Variants in STRADA observed in about 807,000 individuals in gnomAD.
STRADA encodes the protein STE20-related kinase adapter protein alpha.
STRADA carries 26 observed loss-of-function variants against 55.0 expected under a neutral mutation model. The ratio of observed to expected loss-of-function variants is 0.47; its 90% CI spans 0.35 to 0.66. STRADA has a LOEUF of 0.66. Among genes scored for constraint, STRADA ranks in the 30% least tolerant of loss-of-function variants. STRADA has a pLI of 0.01. For missense variants in STRADA, 443 were observed against 549.7 expected (o/e 0.81, Z 1.94); for synonymous variants, 197 against 210.9 (o/e 0.93, Z 0.57).
intron 1 of STRADA, among the ~76,000 whole-genome samples, chr17:63,740,908 G>C (rs2038893379): frequency 6.6e-6 from 1 of 152,134 alleles, no homozygotes; most frequent in Non-Finnish European, 1.5e-5. Context: ...ATCAAATTTG[G>C]TTTCTTCCTT....
Position 63,709,100 on chromosome 17 carries a change from C to T in STRADA, c.581+1391G>A, listed in dbSNP as rs150459405. 7.2e-5 allele frequency among the ~76,000 whole-genome samples: 11 copies of T among 152,336 alleles called. No homozygotes were observed. The East Asian group carries it at 1.5e-3, about 21-fold the overall frequency. On this transcript the variant is annotated intron_variant, in intron 8 of 12. Coordinates refer to ENST00000336174, the MANE Select transcript of STRADA (RefSeq NM_001003787.4). The stretch of plus-strand genomic sequence containing the variant: ...ACTCACACTACCCCTAACCAACACA[C>T]GTGTGAATGGTGACATCCAAACATG...
In STRADA at chr17:63,704,520, A is replaced by T. The variant is rs1037723970; in HGVS notation, c.921T>A (p.Ala307=). 23 of 1,586,522 alleles carry T rather than the reference A, an allele frequency of 1.4e-5. No homozygotes were observed. Among genetic ancestry groups the T allele is most frequent in the Non-Finnish European group, 1.9e-5 (22 of 1,165,774 alleles). ...PCLLDTSTIP[A]EELTMSPSRS... ...GCGAAGGGCTCATGGTCAGCTCCTC[A>T]GCGGGGATGGTGCTGGTATCCAACA... Residue 307 remains alanine (A), a synonymous_variant, in exon 11 of 13, where the codon GCT becomes GCA. Transcript: ENST00000336174.
chr17:63,713,397 G>A lies in STRADA; in HGVS notation c.348+9C>T. ...CCTCCCTCCATGTGACACACTCATG[G>A]TTTATTACCTGCAAGAATGTTACCA... On this transcript the variant is annotated intron_variant, in intron 6 of 12. Transcript: ENST00000336174. 6.2e-7 allele frequency: 1 copy of A among 1,613,136 alleles called. No homozygotes were observed. The highest frequency in any genetic ancestry group is 2.2e-5 in the East Asian group (1 of 44,838).
intron 1 of STRADA, among the ~76,000 whole-genome samples, chr17:63,739,140 C>CAAAAAAAAAA (rs35963636): frequency 1.4e-5 from 1 of 69,396 alleles, no homozygotes; most frequent in Admixed American, 2.1e-4. Context: ...GACTCCATCT[C>CAAAAAAAAAA]AAAAAAAAAA....
rs1268693332 is a variant in STRADA, at chr17:63,741,776, T to A, written c.-80A>T. 1 of 152,978 alleles carries A rather than the reference T, an allele frequency of 6.5e-6. No homozygotes were observed. The highest frequency in any genetic ancestry group is 1.5e-5 in the Non-Finnish European group (1 of 68,654). The allele number at this position is 152,978 out of a possible 1,614,324, so 9.5% of individuals were successfully genotyped here. A position where few individuals can be genotyped will look rare whatever the true frequency, so the allele number is the denominator to read the frequency against. ...AGTTAGCAAGCAGCCCCGACCGTCT[T>A]GGCTCCGCCTCCTCAGTTTTACTGC... On this transcript the variant is annotated 5_prime_UTR_variant, in exon 1 of 13. Transcript: ENST00000336174.
intron 4 of STRADA, chr17:63,719,151 T>G (rs1156359292): frequency 2.0e-5 from 3 of 152,248 alleles, no homozygotes; most frequent in Admixed American, 2.0e-4. Context: ...CCAGTTCCTT[T>G]GGTAACGGGT....
intron 3 of STRADA, 180 bp downstream of exon 3, chr17:63,726,458 T>G: frequency 1.8e-6 from 1 of 560,742 alleles, no homozygotes; most frequent in Non-Finnish European, 3.1e-6. Context: ...CCAAGGAAAA[T>G]TGCCATGTTA....
At chr17:63,707,533 T>C (rs1455287015) in intron 8 of STRADA, 115 bp from the exon 9 acceptor site, 8 of 899,684 alleles carry the variant, frequency 8.9e-6, no homozygotes, top group Admixed American at 2.5e-5. Context: ...GTTATACACG[T>C]ATATGTGTAT....
chr17:63,708,856 C>T (rs1366741644), intron 8 of STRADA, among the ~76,000 whole-genome samples: 2 of 152,166 alleles, frequency 1.3e-5, no homozygotes, highest in Admixed American at 6.5e-5. Context: ...CTACCTCCTA[C>T]GAATGCTTTT....
intron 1 of STRADA, among the ~76,000 whole-genome samples, chr17:63,735,736 C>G (rs1188403418): frequency 6.6e-6 from 1 of 152,142 alleles, no homozygotes; most frequent in East Asian, 1.9e-4. Flanking sequence ...GGAGAGAAAG[C>G]TGCAGGCTAG....
chr17:63,729,122 G>A (rs1324302566), intron 1 of STRADA, among the ~76,000 whole-genome samples: 1 of 152,026 alleles, frequency 6.6e-6, no homozygotes, highest in Admixed American at 6.6e-5. Flanking sequence ...GGACTCAAGC[G>A]ATCCTCCCAT....
chr17:63,728,291 G>A (rs745941107), intron 2 of STRADA, 43 bp downstream of exon 2: 9 of 1,606,716 alleles, frequency 5.6e-6, no homozygotes, highest in Non-Finnish European at 7.7e-6. Flanking sequence ...CTGCTTTTCA[G>A]AAAACAAAAA....
intron 1 of STRADA, among the ~76,000 whole-genome samples, chr17:63,739,673 T>C (rs185616291): frequency 8.3e-4 from 124 of 149,416 alleles, no homozygotes; most frequent in Non-Finnish European, 1.4e-3. Context: ...TATATGTATA[T>C]ATTATATATG....
chr17:63,739,805 G>GTATA (rs1002701350), intron 1 of STRADA, among the ~76,000 whole-genome samples: 7 of 30,986 alleles, frequency 2.3e-4, no homozygotes, highest in East Asian at 6.1e-4. Context: ...ATAATTATAT[G>GTATA]TATATACATA....
intron 4 of STRADA, among the ~76,000 whole-genome samples, chr17:63,723,080 C>G (rs1381192095): frequency 4.6e-5 from 7 of 152,138 alleles, no homozygotes; most frequent in Non-Finnish European, 1.0e-4. Context: ...CCAGAAGAGA[C>G]AAAAACTACC....
At chr17:63,704,809 C>A (rs2143734758) in intron 10 of STRADA, 1 of 1,535,056 alleles carries the variant, frequency 6.5e-7, no homozygotes, top group South Asian at 1.2e-5. Flanking sequence ...AGAGGGGTTG[C>A]ACAAAAGTAC....
At position 63,704,060 on chromosome 17, in the gene STRADA, G is replaced by A. The variant is rs747752092; in HGVS notation, c.1101-13C>T. On this transcript the variant is annotated splice_polypyrimidine_tract_variant and intron_variant, in intron 11 of 12. Coordinates refer to ENST00000336174, the MANE Select transcript of STRADA (RefSeq NM_001003787.4). ...GCTGGCACTGGGCCTGGAGGGAAAGGGGAGGAGAGACCGCAGCATCACTGC... is the reference window on the plus strand; with the variant it reads ...GCTGGCACTGGGCCTGGAGGGAAAGAGGAGGAGAGACCGCAGCATCACTGC... 3 of 1,612,636 alleles carry A rather than the reference G, an allele frequency of 1.9e-6. No individual in the cohort carries two copies. The highest frequency in any genetic ancestry group is 2.7e-5 in the African/African-American group (2 of 74,808).
chr17:63,718,347 AG>A, intron 4 of STRADA, among the ~76,000 whole-genome samples: 2 of 152,340 alleles, frequency 1.3e-5, no homozygotes, highest in South Asian at 4.1e-4. Context: ...AAAATGGAGC[AG>A]CAATTTGAGC....
chr17:63,703,864 A>G (rs2035879062), intron 12 of STRADA, 113 bp from the exon 13 acceptor site: 3 of 1,611,504 alleles, frequency 1.9e-6, no homozygotes, highest in Admixed American at 3.4e-5. Context: ...CAACTCCATG[A>G]GAGGAAGGAG....
Sources: allele counts gnomAD v4.1 joint callset (sites outside exome capture counted in the v4.1 genomes callset), GRCh38; gene constraint gnomAD v4.1.1; transcripts MANE v1.5; gene names NCBI Gene and HGNC (gene_info 2026-07-23, HGNC 2026-07-21).